ERG: variants seen among roughly 807,000 people sequenced by gnomAD.
ERG encodes the protein transcriptional regulator ERG.
Under a neutral mutation model 55.3 loss-of-function variants are expected in ERG, and 9 were observed. The ratio of observed to expected loss-of-function variants is 0.16; its 90% confidence interval spans 0.10 to 0.28. The LOEUF (loss-of-function observed/expected upper bound fraction) is 0.28. Ranked by LOEUF, ERG falls within the 10% of genes least tolerant of loss-of-function variation. ERG has a pLI of 1.00. For missense variants in ERG, 434 were observed against 631.6 expected (o/e 0.69, Z 3.35); for synonymous variants, 223 against 237.3 (o/e 0.94, Z 0.55).
At chr21:38,546,718 A>G (rs920521395) in intron 2 of ERG, among the ~76,000 whole-genome samples, 2 of 152,162 alleles carry the variant, frequency 1.3e-5, no homozygotes, top group Admixed American at 1.3e-4. Flanking sequence ...CATAGAGAAC[A>G]CTCAGAACAC....
At chr21:38,657,930 C>T (rs2060529048) in intron 1 of ERG, among the ~76,000 whole-genome samples, 1 of 152,194 alleles carries the variant, frequency 6.6e-6, no homozygotes, top group Non-Finnish European at 1.5e-5. Context: ...CCTACTCACA[C>T]CACTGCCACT....
At chr21:38,476,081 C>A (rs555780841) in intron 1 of ERG, among the ~76,000 whole-genome samples, 63 of 152,118 alleles carry the variant, frequency 4.1e-4, no homozygotes, top group Non-Finnish European at 7.1e-4. Flanking sequence ...TAAAGAGAAG[C>A]CTGACGTTTC....
At chr21:38,653,337 G>A (rs1367784658) in intron 1 of ERG, among the ~76,000 whole-genome samples, 5 of 152,126 alleles carry the variant, frequency 3.3e-5, no homozygotes, top group Admixed American at 2.0e-4. Flanking sequence ...TCCTTTGCAC[G>A]TGCCTTTCCC....
intron 2 of ERG, among the ~76,000 whole-genome samples, chr21:38,424,181 GCTCGAGCTCTCTCTCTCTCT>G (rs1204989870): frequency 1.0e-4 from 9 of 88,078 alleles, no homozygotes; most frequent in African/African-American, 3.0e-4. Context: ...AGAGACCAGA[GCTCGAGCTCTCTCTCTCTCT>G]CTCTCTCTCT....
chr21:38,587,351 T>C (rs138179890), upstream of ERG, among the ~76,000 whole-genome samples: 1,401 of 143,516 alleles, frequency 9.8e-3, 17 homozygotes, highest in African/African-American at 0.033. Flanking sequence ...TTTGCAAAGC[T>C]GTGCAAATCT....
At chr21:38,640,690 A>G (rs1315188754) in intron 1 of ERG, among the ~76,000 whole-genome samples, 1 of 152,174 alleles carries the variant, frequency 6.6e-6, no homozygotes, top group East Asian at 1.9e-4. Flanking sequence ...CTGTGAGTCC[A>G]CTAAGCCTCT....
chr21:38,603,196 G>C (rs1019576603), intron 1 of ERG, among the ~76,000 whole-genome samples: 1 of 151,968 alleles, frequency 6.6e-6, no homozygotes, highest in East Asian at 1.9e-4. Context: ...CACATGAAGA[G>C]ACCCGAAACG....
At chr21:38,596,898 C>T (rs541235406) in intron 1 of ERG, among the ~76,000 whole-genome samples, 2 of 147,092 alleles carry the variant, frequency 1.4e-5, no homozygotes, top group South Asian at 4.5e-4. Flanking sequence ...CATCACACCA[C>T]CCACCTTCAA....
chr21:38,579,196 G>A (rs545891337), intron 1 of ERG, among the ~76,000 whole-genome samples: 58 of 152,226 alleles, frequency 3.8e-4, no homozygotes, highest in Non-Finnish European at 7.2e-4. Flanking sequence ...ATCCAAGACC[G>A]CAGCAACATC....
At position 38,381,442 on chromosome 21, in the gene ERG, C is replaced by G; in HGVS notation, c.*1961G>C. ...TCAAGGGATAGCCAGCAACATCAGG[C>G]TCAGGGCTAGTGAATCCCAAGCCAC... On this transcript the variant is annotated 3_prime_UTR_variant, in exon 10 of 10. Coordinates refer to ENST00000288319, the MANE Select transcript of ERG (RefSeq NM_182918.4). 1 of 1,063,070 alleles carries G rather than the reference C, an allele frequency of 9.4e-7. No homozygotes were observed. The highest frequency in any genetic ancestry group is 1.1e-6 in the Non-Finnish European group (1 of 877,866). 65.9% of individuals were successfully genotyped at this position (1,063,070 alleles called of 1,614,324 possible). A position where few individuals can be genotyped will look rare whatever the true frequency, so the allele number is the denominator to read the frequency against.
At chr21:38,424,185 GAGCTCT>G (rs1569087226) in intron 2 of ERG, among the ~76,000 whole-genome samples, 3,600 of 58,496 alleles carry the variant, frequency 0.062, 77 homozygotes, top group Non-Finnish European at 0.084. Flanking sequence ...ACCAGAGCTC[GAGCTCT>G]CTCTCTCTCT....
At chr21:38,612,316 C>A (rs1450077516) in intron 1 of ERG, among the ~76,000 whole-genome samples, 4 of 151,684 alleles carry the variant, frequency 2.6e-5, no homozygotes, top group Admixed American at 6.6e-5. Flanking sequence ...CTTTTTCTTT[C>A]TTATTTTAGA....
downstream of ERG, among the ~76,000 whole-genome samples, chr21:38,378,211 A>G (rs945114700): frequency 2.6e-5 from 4 of 152,346 alleles, no homozygotes; most frequent in East Asian, 3.9e-4. Context: ...CTTTCTATGT[A>G]TGGACAACAC....
chr21:38,439,912 A>G (rs2058824261), intron 2 of ERG, among the ~76,000 whole-genome samples: 1 of 152,078 alleles, frequency 6.6e-6, no homozygotes, highest in Non-Finnish European at 1.5e-5. Flanking sequence ...CTCCGTGGGT[A>G]CTGGATGGAT....
chr21:38,605,909 A>AGATAGATGATC (rs945047468), intron 1 of ERG, among the ~76,000 whole-genome samples: 21 of 152,210 alleles, frequency 1.4e-4, no homozygotes, highest in African/African-American at 4.8e-4. Context: ...AATAATAGAT[A>AGATAGATGATC]GATAGATAGG....
At chr21:38,618,032 A>C (rs1391067317) in intron 1 of ERG, among the ~76,000 whole-genome samples, 4 of 152,194 alleles carry the variant, frequency 2.6e-5, no homozygotes, top group African/African-American at 4.8e-5. Context: ...CCAAGCCCAC[A>C]CGTGTCATGG....
At chr21:38,430,692 A>T (rs912247886) in intron 2 of ERG, among the ~76,000 whole-genome samples, 3 of 152,230 alleles carry the variant, frequency 2.0e-5, no homozygotes, top group African/African-American at 7.2e-5. Context: ...ACTGAACAAT[A>T]GCCCAATGGC....
At chr21:38,424,373 A>G (rs1224734205) in intron 2 of ERG, among the ~76,000 whole-genome samples, 3 of 152,298 alleles carry the variant, frequency 2.0e-5, no homozygotes, top group Middle Eastern at 3.4e-3. Flanking sequence ...TCAGCCAGCC[A>G]GTCTGTGGGG....
chr21:38,646,708 C>T (rs1447917165), intron 1 of ERG, among the ~76,000 whole-genome samples: 1 of 152,200 alleles, frequency 6.6e-6, no homozygotes, highest in Non-Finnish European at 1.5e-5. Context: ...CATGTTCATA[C>T]CGGCCCAGTT....
Sources: gnomAD v4.1 joint callset for allele counts (sites outside exome capture counted in the v4.1 genomes callset) on GRCh38, gnomAD v4.1.1 for gene constraint, MANE v1.5 for transcripts, NCBI Gene and HGNC (gene_info 2026-07-23, HGNC 2026-07-21) for gene names.